Variants in PTPN5 observed in about 807,000 individuals in gnomAD.
The protein encoded by PTPN5 is tyrosine-protein phosphatase non-receptor type 5.
PTPN5 carries 29 observed loss-of-function variants against 73.9 expected under a neutral mutation model. The observed-to-expected ratio is 0.39, with a 90% confidence interval of 0.29 to 0.54. The LOEUF is 0.54. PTPN5 is among the 20% of genes least tolerant of loss of function. PTPN5 has a pLI of 0.65. For synonymous variants in PTPN5, 267 were observed against 304.7 expected (o/e 0.88, Z 1.29); for missense variants, 652 against 751.4 (o/e 0.87, Z 1.55).
At chr11:18,762,756 T>C (rs1452284111) in intron 3 of PTPN5, among the ~76,000 whole-genome samples, 1 of 152,234 alleles carries the variant, frequency 6.6e-6, no homozygotes, top group Non-Finnish European at 1.5e-5. Flanking sequence ...CTAACAACTC[T>C]GCACAGCAGT....
chr11:18,753,444 T>C (rs1849983452), intron 3 of PTPN5, among the ~76,000 whole-genome samples: 2 of 152,246 alleles, frequency 1.3e-5, no homozygotes, highest in Admixed American at 6.5e-5. Flanking sequence ...ACCTCTGCTT[T>C]AGTTTAATTC....
At chr11:18,791,329 C>A (rs1851914514) in intron 1 of PTPN5, among the ~76,000 whole-genome samples, 196 bp downstream of exon 1, 2 of 152,304 alleles carry the variant, frequency 1.3e-5, no homozygotes, top group South Asian at 4.1e-4. Context: ...CGACAAGCCC[C>A]CTCCTCTGCA....
intron 2 of PTPN5, among the ~76,000 whole-genome samples, chr11:18,767,560 A>G (rs1017230053): frequency 6.6e-6 from 1 of 152,156 alleles, no homozygotes; most frequent in Non-Finnish European, 1.5e-5. Context: ...TGGCCTCCAA[A>G]ACATTCTCCA....
intron 1 of PTPN5, among the ~76,000 whole-genome samples, chr11:18,778,415 T>G (rs1300337981): frequency 1.3e-5 from 2 of 152,204 alleles, no homozygotes; most frequent in Non-Finnish European, 2.9e-5. Context: ...CTCTTGCAGC[T>G]CTCCCTTCTC....
At chr11:18,759,252 G>A (rs1304886462) in intron 3 of PTPN5, among the ~76,000 whole-genome samples, 2 of 152,206 alleles carry the variant, frequency 1.3e-5, no homozygotes, top group African/African-American at 2.4e-5. Context: ...CATTTATAGA[G>A]CACTCTGTAA....
chr11:18,753,147 A>C (rs550663295), intron 3 of PTPN5, among the ~76,000 whole-genome samples: 1 of 152,332 alleles, frequency 6.6e-6, no homozygotes, highest in African/African-American at 2.4e-5. Flanking sequence ...AGGAAAATCC[A>C]GGTGACAGGA....
intron 3 of PTPN5, among the ~76,000 whole-genome samples, chr11:18,764,410 T>C (rs564887337): frequency 6.6e-6 from 1 of 152,354 alleles, no homozygotes; most frequent in South Asian, 2.1e-4. Flanking sequence ...GGTCCCATCT[T>C]AGACCGTCTC....
intron 3 of PTPN5, among the ~76,000 whole-genome samples, chr11:18,764,781 C>T (rs1384823201): frequency 5.3e-5 from 8 of 152,272 alleles, no homozygotes; most frequent in African/African-American, 1.4e-4. Flanking sequence ...GGCGCGATCT[C>T]GGCTCACTGC....
At chr11:18,790,136 TG>T (rs2134385178) in intron 1 of PTPN5, among the ~76,000 whole-genome samples, 1 of 152,026 alleles carries the variant, frequency 6.6e-6, no homozygotes, top group Admixed American at 6.5e-5. Context: ...GGCTCAGCTC[TG>T]GGGACACCTG....
chr11:18,788,370 T>C (rs112209187), intron 1 of PTPN5, among the ~76,000 whole-genome samples: 28 of 152,134 alleles, frequency 1.8e-4, no homozygotes, highest in African/African-American at 6.8e-4. Context: ...CCCAACTCCT[T>C]AGCTTGGCAG....
chr11:18,749,664 T>G (rs184935009), intron 3 of PTPN5, among the ~76,000 whole-genome samples: 6 of 152,290 alleles, frequency 3.9e-5, no homozygotes, highest in African/African-American at 1.4e-4. Context: ...GGGTAAGGCA[T>G]GCAGGCAAAT....
intron 3 of PTPN5, among the ~76,000 whole-genome samples, chr11:18,754,881 A>G (rs1036932275): frequency 1.3e-5 from 2 of 150,866 alleles, no homozygotes; most frequent in Non-Finnish European, 3.0e-5. Context: ...TTCAACTTTT[A>G]AGCAATATGG....
At chr11:18,745,472 A>G (rs1216861614) in intron 3 of PTPN5, among the ~76,000 whole-genome samples, 1 of 152,136 alleles carries the variant, frequency 6.6e-6, no homozygotes, top group African/African-American at 2.4e-5. Flanking sequence ...TTCCTCAGGT[A>G]AGCCCGCCCC....
Position 18,729,961 on chromosome 11 carries a change from C to T in PTPN5, c.1330-143G>A, listed in dbSNP as rs1429607952. 9.0e-7 allele frequency: 1 copy of T among 1,112,658 alleles called. No homozygotes were observed. The highest frequency in any genetic ancestry group is 2.1e-5 in the Admixed American group (1 of 47,838). The allele number at this position is 1,112,658 out of a possible 1,614,324, so 68.9% of individuals were successfully genotyped here. The stretch of plus-strand genomic sequence containing the variant: ...GACCCCTTCACCCTTCCATCTAGGC[C>T]ACATTGCCCAGTGGCACCAGACACA... On this transcript the variant is annotated intron_variant, in intron 12 of 14. Coordinates refer to ENST00000358540, the MANE Select transcript of PTPN5 (RefSeq NM_006906.2). The surrounding 1 kb of genome is among the most constrained non-coding windows in gnomAD (Gnocchi z 5.2).
chr11:18,757,399 A>T (rs1249057639), intron 3 of PTPN5, among the ~76,000 whole-genome samples: 1 of 152,182 alleles, frequency 6.6e-6, no homozygotes, highest in East Asian at 1.9e-4. Context: ...CACACTTTGA[A>T]GGGCCCTGCT....
chr11:18,729,103 G>T lies in PTPN5; in HGVS notation c.1605-76C>A. ...TGGGAGGTGCCCCAAAAGCCATGGA[G>T]TAGCAATCACTTGCCAGGCCTTGCC... On this transcript the variant is annotated intron_variant, in intron 14 of 14. Transcript: ENST00000358540. This position sits in a 1 kb window ranked among gnomAD's most constrained non-coding sequence, Gnocchi z 5.2. 6.7e-7 allele frequency: 1 copy of T among 1,492,618 alleles called. No homozygotes were observed. The highest frequency in any genetic ancestry group is 9.2e-7 in the Non-Finnish European group (1 of 1,086,586). 92.5% of individuals were successfully genotyped at this position (1,492,618 alleles called of 1,614,324 possible).
At chr11:18,749,156 G>C (rs1036269933) in intron 3 of PTPN5, among the ~76,000 whole-genome samples, 1 of 152,182 alleles carries the variant, frequency 6.6e-6, no homozygotes, top group Admixed American at 6.5e-5. Context: ...AGTGAGAGGC[G>C]GCTGCTTGTG....
At chr11:18,783,711 T>C (rs1483274017) in intron 1 of PTPN5, among the ~76,000 whole-genome samples, 2 of 152,222 alleles carry the variant, frequency 1.3e-5, no homozygotes, top group Non-Finnish European at 2.9e-5. Context: ...AGACCACTGT[T>C]GCCAGGTGAC....
chr11:18,771,189 G>A (rs4074852), intron 2 of PTPN5, among the ~76,000 whole-genome samples: 9,841 of 152,078 alleles, frequency 0.065, 712 homozygotes, highest in African/African-American at 0.18. Context: ...CTGGTACCCC[G>A]TAAATACCCC....
Sources: allele counts gnomAD v4.1 joint callset (sites outside exome capture counted in the v4.1 genomes callset), GRCh38; gene constraint gnomAD v4.1.1; non-coding constraint Gnocchi (gnomAD v3.1); transcripts MANE v1.5; gene names NCBI Gene and HGNC (gene_info 2026-07-23, HGNC 2026-07-21).